The following HSPA12A variants were observed in gnomAD, a reference collection of about 807,000 sequenced individuals.
HSPA12A encodes the protein heat shock protein family A (Hsp70) member 12A.
HSPA12A carries 28 observed loss-of-function variants against 69.2 expected under a neutral mutation model. The ratio of observed to expected loss-of-function variants is 0.40; its 90% confidence interval spans 0.30 to 0.55. The LOEUF (loss-of-function observed/expected upper bound fraction) is 0.55, where lower values mean the gene tolerates loss of function less well. Among genes scored for constraint, HSPA12A ranks in the 20% least tolerant of loss-of-function variants. The probability of loss-of-function intolerance (pLI) is 0.38; values close to 1 mark genes in which losing one functional copy is unlikely to be tolerated. For missense variants in HSPA12A, 686 were observed against 900.7 expected (o/e 0.76, Z 3.05); for synonymous variants, 345 against 370.5 (o/e 0.93, Z 0.79).
chr10:116,850,055 C>G, upstream of HSPA12A: 1 of 503,010 alleles, frequency 2.0e-6, no homozygotes, highest in Non-Finnish European at 3.6e-6. Flanking sequence ...GCCGGCCCAC[C>G]GCCCATGCTT....
At chr10:116,776,922 C>T (rs1461617621) in intron 2 of HSPA12A, among the ~76,000 whole-genome samples, 1 of 152,144 alleles carries the variant, frequency 6.6e-6, no homozygotes, top group Non-Finnish European at 1.5e-5. Flanking sequence ...GGACTAGGTT[C>T]GAGAATGGGA....
intron 1 of HSPA12A, among the ~76,000 whole-genome samples, chr10:116,837,079 A>T (rs998393338): frequency 3.3e-5 from 5 of 152,180 alleles, no homozygotes; most frequent in Admixed American, 6.5e-5. Context: ...GGCGGCAGTG[A>T]CACACTGTGG....
At chr10:116,746,043 C>T (rs1182581915), upstream of HSPA12A, among the ~76,000 whole-genome samples, 2 of 152,046 alleles carry the variant, frequency 1.3e-5, no homozygotes, top group African/African-American at 4.8e-5. Context: ...TTTAGAGCCC[C>T]CAGACCCTAG....
upstream of HSPA12A, among the ~76,000 whole-genome samples, chr10:116,745,674 T>A (rs1160872255): frequency 6.6e-6 from 1 of 152,164 alleles, no homozygotes; most frequent in Non-Finnish European, 1.5e-5. Context: ...TGGAAGCCGA[T>A]TCTCCTCTAG....
chr10:116,698,018 C>T (rs1487411314), intron 5 of HSPA12A: 2 of 152,138 alleles, frequency 1.3e-5, no homozygotes, highest in Non-Finnish European at 2.9e-5. Flanking sequence ...GTTCATCCTA[C>T]TGATGAATAA....
chr10:116,838,270 G>A (rs1396472820), intron 1 of HSPA12A, among the ~76,000 whole-genome samples: 2 of 152,006 alleles, frequency 1.3e-5, no homozygotes, highest in African/African-American at 4.8e-5. Flanking sequence ...GCAAGGCAGG[G>A]TGGGATGGGA....
intron 2 of HSPA12A, chr10:116,829,192 T>C (rs1845566545): frequency 6.6e-6 from 1 of 152,280 alleles, no homozygotes; most frequent in Non-Finnish European, 1.5e-5. Context: ...ATAAGTCTCA[T>C]GAGATCTGAC....
In HSPA12A at chr10:116,674,690, G is replaced by T; in HGVS notation, c.*91C>A. ...TGCTGAAATTCACATGGGCAATGGT[G>T]AGGGTCAAGGTTAGGGAAAGAACAG... On this transcript the variant is annotated 3_prime_UTR_variant, in exon 12 of 12. Transcript: ENST00000369209. 1 of 1,303,786 alleles carries T rather than the reference G, an allele frequency of 7.7e-7. No individual in the cohort carries two copies. Among genetic ancestry groups the T allele is most frequent in the Non-Finnish European group, 1.1e-6 (1 of 940,052 alleles). 80.8% of individuals were successfully genotyped at this position (1,303,786 alleles called of 1,614,324 possible). A position where few individuals can be genotyped will look rare whatever the true frequency, so the allele number is the denominator to read the frequency against.
chr10:116,685,041 A>C (rs1849536387), intron 6 of HSPA12A, among the ~76,000 whole-genome samples: 1 of 152,224 alleles, frequency 6.6e-6, no homozygotes, highest in African/African-American at 2.4e-5. Flanking sequence ...CTCAGTTGCC[A>C]GCCCGATGGA....
intron 2 of HSPA12A, among the ~76,000 whole-genome samples, chr10:116,778,904 G>T (rs868947196): frequency 6.6e-6 from 1 of 152,140 alleles, no homozygotes; most frequent in Non-Finnish European, 1.5e-5. Flanking sequence ...CATTGCACTC[G>T]CAGTGGGGAG....
chr10:116,814,964 G>A (rs1845269199), intron 2 of HSPA12A, among the ~76,000 whole-genome samples: 1 of 152,030 alleles, frequency 6.6e-6, no homozygotes, highest in South Asian at 2.1e-4. Context: ...GACAGCAAAG[G>A]GGCAGTCTGA....
intron 8 of HSPA12A, 28 bp from the exon 9 acceptor site, chr10:116,681,284 C>A: frequency 6.3e-7 from 1 of 1,585,282 alleles, no homozygotes; most frequent in South Asian, 1.1e-5. Context: ...ATCTTTTACA[C>A]AGACTGTTTG....
intron 2 of HSPA12A, among the ~76,000 whole-genome samples, chr10:116,761,861 G>C (rs1554889311): frequency 6.6e-6 from 1 of 151,344 alleles, no homozygotes; most frequent in Non-Finnish European, 1.5e-5. Context: ...AGCAGGCAGT[G>C]ATAACAAAAA....
chr10:116,691,247 C>T (rs1169776841), intron 6 of HSPA12A, among the ~76,000 whole-genome samples: 1 of 152,070 alleles, frequency 6.6e-6, no homozygotes, highest in African/African-American at 2.4e-5. Context: ...GGAGACGACT[C>T]GCCCTTGACT....
intron 2 of HSPA12A, among the ~76,000 whole-genome samples, chr10:116,811,413 C>G (rs913268792): frequency 1.2e-4 from 18 of 152,202 alleles, no homozygotes; most frequent in African/African-American, 4.3e-4. Context: ...CATCTACACT[C>G]AGACCCTCCT....
intron 2 of HSPA12A, among the ~76,000 whole-genome samples, chr10:116,769,929 C>A (rs184182183): frequency 2.0e-5 from 3 of 152,300 alleles, no homozygotes; most frequent in Admixed American, 6.5e-5. Flanking sequence ...TTTCCGCCTT[C>A]CAGCTGGGTA....
At chr10:116,744,301 T>C (rs1851599350), upstream of HSPA12A, among the ~76,000 whole-genome samples, 1 of 152,242 alleles carries the variant, frequency 6.6e-6, no homozygotes, top group Non-Finnish European at 1.5e-5. Context: ...CATCATGGAC[T>C]GCCCAACTCC....
At chr10:116,792,690 G>A (rs1844726557) in intron 2 of HSPA12A, among the ~76,000 whole-genome samples, 1 of 151,624 alleles carries the variant, frequency 6.6e-6, no homozygotes, top group Non-Finnish European at 1.5e-5. Flanking sequence ...AGGAGGCTGA[G>A]GTGGAAGGAT....
intron 2 of HSPA12A, chr10:116,831,154 T>C (rs1175705062): frequency 6.6e-6 from 1 of 152,206 alleles, no homozygotes; most frequent in Non-Finnish European, 1.5e-5. Flanking sequence ...TGAAAGCACT[T>C]ACACTTACTG....
Sources: gnomAD v4.1 joint callset for allele counts (sites outside exome capture counted in the v4.1 genomes callset) on GRCh38, gnomAD v4.1.1 for gene constraint, MANE v1.5 for transcripts, NCBI Gene and HGNC (gene_info 2026-07-23, HGNC 2026-07-21) for gene names.